The following RAD17 variants were observed in gnomAD, a reference collection of about 807,000 sequenced individuals.
The protein encoded by RAD17 is cell cycle checkpoint protein RAD17.
Under a neutral mutation model 81.5 loss-of-function variants are expected in RAD17, and 31 were observed. The observed-to-expected ratio is 0.38, with a 90% confidence interval of 0.29 to 0.51. The LOEUF (loss-of-function observed/expected upper bound fraction) is 0.51, where lower values mean the gene tolerates loss of function less well. RAD17 is among the 20% of genes least tolerant of loss of function. The pLI is 0.88. For synonymous variants in RAD17, 261 were observed against 266.2 expected (o/e 0.98, Z 0.19); for missense variants, 681 against 781.2 (o/e 0.87, Z 1.53).
intron 18 of RAD17, among the ~76,000 whole-genome samples, chr5:69,411,137 G>T (rs1015107951): frequency 6.6e-6 from 1 of 151,808 alleles, no homozygotes; most frequent in Non-Finnish European, 1.5e-5. Flanking sequence ...ATGGCCGGGC[G>T]TGGTGGCTTA....
intron 15 of RAD17, 33 bp from the exon 16 acceptor site, chr5:69,396,364 C>A (rs1764885701): frequency 1.3e-6 from 2 of 1,583,080 alleles, no homozygotes; most frequent in Non-Finnish European, 8.6e-7. Flanking sequence ...TTTTATAAAT[C>A]TATTTTCTTT....
chr5:69,404,941 A>G (rs1765497821), intron 17 of RAD17, among the ~76,000 whole-genome samples: 1 of 152,144 alleles, frequency 6.6e-6, no homozygotes, highest in Admixed American at 6.6e-5. Context: ...TGCTGTCTCA[A>G]AAGGCAAAGG....
At chr5:69,410,160 G>T (rs1241486021) in intron 17 of RAD17, among the ~76,000 whole-genome samples, 1 of 152,052 alleles carries the variant, frequency 6.6e-6, no homozygotes, top group Admixed American at 6.6e-5. Context: ...ATTATTTTGG[G>T]TATATACCCA....
At chr5:69,400,513 G>A (rs1765199884) in intron 17 of RAD17, among the ~76,000 whole-genome samples, 1 of 152,064 alleles carries the variant, frequency 6.6e-6, no homozygotes, top group South Asian at 2.1e-4. Context: ...ACCGCACACG[G>A]CCAGAAGTAG....
intron 15 of RAD17, among the ~76,000 whole-genome samples, chr5:69,395,367 C>G (rs184507688): frequency 6.6e-6 from 1 of 152,036 alleles, no homozygotes; most frequent in Non-Finnish European, 1.5e-5. Flanking sequence ...TAAAAATTAG[C>G]TGGGTATGGT....
At chr5:69,373,719 G>C in intron 4 of RAD17, 111 bp from the exon 5 acceptor site, 1 of 174,622 alleles carries the variant, frequency 5.7e-6, no homozygotes, top group Non-Finnish European at 9.7e-6. Flanking sequence ...TTTTTTTTAA[G>C]TTTTAAAGGT....
At chr5:69,369,709 G>T (rs1427926433), upstream of RAD17, 7 of 1,551,608 alleles carry the variant, frequency 4.5e-6, no homozygotes, top group Non-Finnish European at 5.2e-6. Flanking sequence ...GGCATAACTC[G>T]GGTCGGTACT....
intron 6 of RAD17, among the ~76,000 whole-genome samples, chr5:69,377,474 T>TATACAC (rs1322869343): frequency 3.9e-4 from 4 of 10,200 alleles, no homozygotes; most frequent in African/African-American, 6.5e-4. Context: ...TATATATATA[T>TATACAC]ACACACACAC....
intron 17 of RAD17, among the ~76,000 whole-genome samples, chr5:69,401,789 C>A (rs1354523807): frequency 2.0e-5 from 3 of 151,630 alleles, no homozygotes; most frequent in African/African-American, 7.3e-5. Flanking sequence ...AGATCGAGAC[C>A]ATCCTGGCTA....
chr5:69,399,910 A>C, intron 16 of RAD17, 139 bp from the exon 17 acceptor site: 1 of 486,894 alleles, frequency 2.1e-6, no homozygotes, highest in Non-Finnish European at 3.4e-6. Flanking sequence ...TAAGCTATTA[A>C]AAGTATATTT....
chr5:69,394,837 G>A (rs796919124), intron 15 of RAD17, among the ~76,000 whole-genome samples: 4 of 152,204 alleles, frequency 2.6e-5, no homozygotes, highest in African/African-American at 9.7e-5. Context: ...GAGGCAGGTG[G>A]ATCACTTGAG....
At chr5:69,377,415 GTA>G (rs145604902) in intron 6 of RAD17, among the ~76,000 whole-genome samples, 12 of 93,592 alleles carry the variant, frequency 1.3e-4, no homozygotes, top group African/African-American at 3.2e-4. Flanking sequence ...ATAAACTTAG[GTA>G]TATGTGTGTG....
rs1764196618 is a variant in RAD17, at chr5:69,386,115, T to A, written c.698+20T>A. On this transcript the variant is annotated intron_variant, in intron 9 of 18. Coordinates refer to ENST00000354868, the MANE Select transcript of RAD17 (RefSeq NM_133338.3). Reference sequence around the variant, plus strand: ...TCTAAGGTAGGTTTCAGTGAAGTATTCTAAAACTCCAAATTAAATGAGAAG... The same window carrying A: ...TCTAAGGTAGGTTTCAGTGAAGTATACTAAAACTCCAAATTAAATGAGAAG... The A allele has an allele frequency of 1.2e-6, 2 of 1,602,346 alleles. No homozygotes were observed. The highest frequency in any genetic ancestry group is 1.7e-6 in the Non-Finnish European group (2 of 1,175,930).
chr5:69,401,102 C>T (rs184506875), intron 17 of RAD17, among the ~76,000 whole-genome samples: 138 of 152,160 alleles, frequency 9.1e-4, no homozygotes, highest in African/African-American at 3.3e-3. Flanking sequence ...CCCAGCCACT[C>T]GGGAGGCTGA....
At chr5:69,392,535 CT>C (rs1450832441) in intron 13 of RAD17, among the ~76,000 whole-genome samples, 2 of 152,150 alleles carry the variant, frequency 1.3e-5, no homozygotes, top group Admixed American at 1.3e-4. Context: ...ATAATCCCTC[CT>C]TTTGATAGCA....
At chr5:69,389,598 A>T (rs1764422252) in intron 12 of RAD17, among the ~76,000 whole-genome samples, 1 of 152,178 alleles carries the variant, frequency 6.6e-6, no homozygotes, top group African/African-American at 2.4e-5. Flanking sequence ...GCCAGCCATT[A>T]ATCAGTTTAA....
At position 69,386,021 on chromosome 5, in the gene RAD17, ATTTATTT is replaced by A. The variant is rs774973840; in HGVS notation, c.646-13_646-7del. 1.3e-6 allele frequency: 2 copies of A among 1,521,194 alleles called. No homozygotes were observed. The highest frequency in any genetic ancestry group is 2.8e-5 in the African/African-American group (2 of 70,546). 94.2% of individuals were successfully genotyped at this position (1,521,194 alleles called of 1,614,324 possible). A position where few individuals can be genotyped will look rare whatever the true frequency, so the allele number is the denominator to read the frequency against. On this transcript the variant is annotated splice_polypyrimidine_tract_variant and intron_variant, in intron 8 of 18. Transcript: ENST00000354868. ...TGCAATGGAATAAAACTATACTATT[ATTTATTT>A]TTTATTTTCAATAGGATTTACCTAA...
At chr5:69,407,566 T>G (rs1263954356) in intron 17 of RAD17, among the ~76,000 whole-genome samples, 4 of 88,666 alleles carry the variant, frequency 4.5e-5, no homozygotes, top group African/African-American at 1.5e-4. Flanking sequence ...GTCCAAGTTT[T>G]TTTTTTTTTT....
In RAD17 at chr5:69,393,152, T is replaced by C. The variant is rs1764647633; in HGVS notation, c.1190-3T>C. The C allele has an allele frequency of 3.2e-6, 5 of 1,586,508 alleles. No individual in the cohort carries two copies. In the African/African-American group the frequency reaches 4.0e-5, roughly 13 times the overall value. On this transcript the variant is annotated splice_region_variant and splice_polypyrimidine_tract_variant and intron_variant, in intron 13 of 18. Coordinates refer to ENST00000354868, the MANE Select transcript of RAD17 (RefSeq NM_133338.3). ...CTTTAATAATTCCAGAAATTTTTTA[T>C]AGGAGCATCTTTAACAGAATTAGAC...
Sources: gnomAD v4.1 joint callset for allele counts (sites outside exome capture counted in the v4.1 genomes callset) on GRCh38, gnomAD v4.1.1 for gene constraint, MANE v1.5 for transcripts, NCBI Gene and HGNC (gene_info 2026-07-23, HGNC 2026-07-21) for gene names.